BAZ1B: variants seen among roughly 807,000 people sequenced by gnomAD.
BAZ1B encodes bromodomain adjacent to zinc finger domain 1B.
A neutral mutation model predicts 153.8 loss-of-function variants in BAZ1B; 22 were observed. The observed-to-expected ratio is 0.14, with a 90% CI of 0.10 to 0.20. The LOEUF (loss-of-function observed/expected upper bound fraction) is 0.20, where lower values mean the gene tolerates loss of function less well. Among genes scored for constraint, BAZ1B ranks in the 10% least tolerant of loss-of-function variants. BAZ1B has a pLI of 1.00. For synonymous variants in BAZ1B, 676 were observed against 633.4 expected (o/e 1.07, Z -1.01); for missense variants, 1,325 against 1,799.3 (o/e 0.74, Z 4.77).
intron 6 of BAZ1B, among the ~76,000 whole-genome samples, chr7:73,480,703 C>A (rs1789165788): frequency 6.6e-6 from 1 of 152,044 alleles, no homozygotes; most frequent in Non-Finnish European, 1.5e-5. Flanking sequence ...AAGAAGAAGT[C>A]TAAAGACAAG....
At position 73,498,782 on chromosome 7, in the gene BAZ1B, T is replaced by A. The variant is rs1055161005; in HGVS notation, c.370-84A>T. On this transcript the variant is annotated intron_variant, in intron 3 of 19. Transcript: ENST00000339594. ...TTTAGAACATATCATCCAATATACATGCCTCCTCAACTAACAAAAGGTGAT... is the reference window on the plus strand; with the variant it reads ...TTTAGAACATATCATCCAATATACAAGCCTCCTCAACTAACAAAAGGTGAT... 2.6e-6 allele frequency: 3 copies of A among 1,171,368 alleles called. No homozygotes were observed. The South Asian group carries it at 4.0e-5, about 15-fold the overall frequency. The allele number at this position is 1,171,368 out of a possible 1,614,324, so 72.6% of individuals were successfully genotyped here. A position where few individuals can be genotyped will look rare whatever the true frequency, so the allele number is the denominator to read the frequency against.
intron 13 of BAZ1B, among the ~76,000 whole-genome samples, chr7:73,458,562 G>A (rs1278743283): frequency 3.3e-5 from 5 of 151,656 alleles, no homozygotes; most frequent in South Asian, 2.1e-4. Context: ...TGCAATTCCA[G>A]CTACTTGGGA....
intron 16 of BAZ1B, among the ~76,000 whole-genome samples, chr7:73,444,648 A>C (rs1051666087): frequency 2.6e-5 from 4 of 152,240 alleles, no homozygotes; most frequent in African/African-American, 9.6e-5. Flanking sequence ...GAAGGGCCAC[A>C]AGGCTCCTCA....
At chr7:73,521,074 T>C (rs1330697532) in intron 1 of BAZ1B, among the ~76,000 whole-genome samples, 4 of 152,206 alleles carry the variant, frequency 2.6e-5, no homozygotes, top group Admixed American at 2.6e-4. Context: ...GTTCCTAAAA[T>C]ACAACATAAA....
intron 2 of BAZ1B, among the ~76,000 whole-genome samples, chr7:73,509,858 GGTTCACGCCT>G (rs1337508476): frequency 6.6e-6 from 1 of 151,998 alleles, no homozygotes; most frequent in Non-Finnish European, 1.5e-5. Context: ...TGGGTGCAGT[GGTTCACGCCT>G]GTAATCCCAG....
At position 73,498,513 on chromosome 7, in the gene BAZ1B, T is replaced by C. The variant is rs782737216; in HGVS notation, c.555A>G (p.Gly185=). 1 of 1,613,858 alleles carries C rather than the reference T, an allele frequency of 6.2e-7. No homozygotes were observed. The highest frequency in any genetic ancestry group is 8.5e-7 in the Non-Finnish European group (1 of 1,179,772). Residue 185 remains glycine (G), a synonymous_variant, in exon 4 of 20, where the codon GGA becomes GGG. Coordinates refer to ENST00000339594, the MANE Select transcript of BAZ1B (RefSeq NM_032408.4). ...KKETVVKEDE[G]RRESINDRAR... ...CAAACATACTAATACTCTCTCTCCT[T>C]CCTTCATCCTCTTTCACAACTGTCT...
chr7:73,456,937 CAAAAAAAAAAAAAAAAAAAAAAAAAAA>C (rs71071937), intron 13 of BAZ1B, among the ~76,000 whole-genome samples: 2 of 39,550 alleles, frequency 5.1e-5, no homozygotes, highest in Non-Finnish European at 9.0e-5. Context: ...GACTCTGTCT[CAAAAAAAAAAAAAAAAAAAAAAAAAAA>C]AAAAAAAAAA....
intron 2 of BAZ1B, among the ~76,000 whole-genome samples, chr7:73,509,407 T>C (rs1439864791): frequency 6.6e-6 from 1 of 151,958 alleles, no homozygotes; most frequent in Non-Finnish European, 1.5e-5. Flanking sequence ...CAAATATACG[T>C]AAAGCACTGG....
chr7:73,521,581 G>C (rs1043696387), intron 1 of BAZ1B, among the ~76,000 whole-genome samples: 1 of 152,014 alleles, frequency 6.6e-6, no homozygotes, highest in African/African-American at 2.4e-5. Flanking sequence ...CCGGGACAAA[G>C]TGCGGGGCCC....
At chr7:73,458,150 G>A (rs1554569814) in intron 13 of BAZ1B, among the ~76,000 whole-genome samples, 1 of 152,178 alleles carries the variant, frequency 6.6e-6, no homozygotes, top group African/African-American at 2.4e-5. Flanking sequence ...AGTCTCGTGG[G>A]ACAGAGCACT....
chr7:73,467,494 C>T lies in BAZ1B; in HGVS notation c.2867-1093G>A, dbSNP rs533542677. Reference sequence around the variant, plus strand: ...AAACAATTCTCTTGCCTCAGCCTGCCAAGTAGCTGGGATTACAGGTGCCCG... The same window carrying T: ...AAACAATTCTCTTGCCTCAGCCTGCTAAGTAGCTGGGATTACAGGTGCCCG... On this transcript the variant is annotated intron_variant, in intron 9 of 19. Coordinates refer to ENST00000339594, the MANE Select transcript of BAZ1B (RefSeq NM_032408.4). Among the ~76,000 whole-genome samples, 4 of 152,116 alleles carry T rather than the reference C, an allele frequency of 2.6e-5. No homozygotes were observed. In the East Asian group the frequency reaches 7.8e-4, roughly 30 times the overall value.
chr7:73,479,748 T>C (rs1209211223), intron 6 of BAZ1B, among the ~76,000 whole-genome samples: 1 of 152,242 alleles, frequency 6.6e-6, no homozygotes, highest in East Asian at 1.9e-4. Flanking sequence ...CATAAACCTA[T>C]AGTTCCCTTG....
intron 5 of BAZ1B, among the ~76,000 whole-genome samples, chr7:73,490,140 T>G (rs868937520): frequency 2.0e-5 from 3 of 152,124 alleles, no homozygotes; most frequent in Admixed American, 6.5e-5. Flanking sequence ...AATGCAGATG[T>G]TTGGGCCTCA....
At chr7:73,487,287 G>A (rs562434014) in intron 6 of BAZ1B, among the ~76,000 whole-genome samples, 3 of 152,244 alleles carry the variant, frequency 2.0e-5, no homozygotes, top group African/African-American at 7.2e-5. Context: ...GATCAGCTGG[G>A]CGTGGTGGTA....
intron 6 of BAZ1B, among the ~76,000 whole-genome samples, chr7:73,482,078 T>C (rs1448760934): frequency 1.3e-5 from 2 of 152,180 alleles, no homozygotes; most frequent in South Asian, 4.1e-4. Context: ...CTGGAATGTG[T>C]TGTTCCCCAA....
chr7:73,441,763 T>C (rs797034230), intron 19 of BAZ1B, 70 bp from the exon 20 acceptor site: 4 of 186,846 alleles, frequency 2.1e-5, no homozygotes, highest in African/African-American at 7.1e-5. Context: ...AAATACAGAT[T>C]AAAAAAGAAA....
At chr7:73,474,929 T>C (rs1788943323) in intron 7 of BAZ1B, among the ~76,000 whole-genome samples, 1 of 152,200 alleles carries the variant, frequency 6.6e-6, no homozygotes, top group South Asian at 2.1e-4. Flanking sequence ...ATGATCTGAA[T>C]ACTTCGCCAA....
chr7:73,496,451 C>T (rs1431775541), intron 4 of BAZ1B, among the ~76,000 whole-genome samples: 1 of 152,196 alleles, frequency 6.6e-6, no homozygotes, highest in African/African-American at 2.4e-5. Context: ...GGGAGACAGA[C>T]AACATCACAT....
chr7:73,487,124 T>C (rs1485042239), intron 6 of BAZ1B, among the ~76,000 whole-genome samples: 12 of 152,242 alleles, frequency 7.9e-5, no homozygotes, highest in Non-Finnish European at 1.5e-4. Context: ...CAAGCTTCCA[T>C]TTCCTAGTCT....
Sources: allele counts gnomAD v4.1 joint callset (sites outside exome capture counted in the v4.1 genomes callset), GRCh38; gene constraint gnomAD v4.1.1; transcripts MANE v1.5; gene names NCBI Gene and HGNC (gene_info 2026-07-23, HGNC 2026-07-21).